Variants in SMARCA5 observed in about 807,000 individuals in gnomAD.
SMARCA5 encodes SWI/SNF-related matrix-associated actin-dependent regulator of chromatin subfamily A member 5.
SMARCA5 carries 18 observed loss-of-function variants against 140.4 expected under a neutral mutation model. That is an observed-to-expected ratio of 0.13 (90% CI 0.09 to 0.19). The LOEUF is 0.19. SMARCA5 is among the 10% of genes least tolerant of loss of function. The probability of loss-of-function intolerance (pLI) is 1.00; values close to 1 mark genes in which losing one functional copy is unlikely to be tolerated. For missense variants in SMARCA5, 606 were observed against 1,276.8 expected, an observed-to-expected ratio of 0.47 and a Z score of 8.01; for synonymous variants, 449 against 419.6, an observed-to-expected ratio of 1.07 and a Z score of -0.86.
In SMARCA5 at chr4:143,517,502, A is replaced by G. The variant is rs1428416396; in HGVS notation, c.252+73A>G. On this transcript the variant is annotated intron_variant, in intron 2 of 23. Coordinates refer to ENST00000283131, the MANE Select transcript of SMARCA5 (RefSeq NM_003601.4). ...AGGTGATTAAATGTACTAAACATCT[A>G]TCTTAGTCCATTTTGTGTTACAACA... is the stretch of plus-strand genomic sequence containing the variant. The G allele has an allele frequency of 9.6e-6, 8 of 836,176 alleles. No homozygotes were observed. The East Asian group carries it at 1.4e-4, about 15-fold the overall frequency. The allele number at this position is 836,176 out of a possible 1,614,324, so 51.8% of individuals were successfully genotyped here.
In SMARCA5 at chr4:143,513,758, TGGGCCCGGCTCAGGCCCGTCGCGG is replaced by T; in HGVS notation, c.-166_-143del. On this transcript the variant is annotated 5_prime_UTR_variant, in exon 1 of 24. Transcript: ENST00000283131. ...AGAACGTTTGGGAGTGTGCAGCTCC[TGGGCCCGGCTCAGGCCCGTCGCGG>T]AGGCGCGGCGCAGGGGAGCGCTCGG... 2 of 711,508 alleles carry T rather than the reference TGGGCCCGGCTCAGGCCCGTCGCGG, an allele frequency of 2.8e-6. No individual in the cohort carries two copies. The highest frequency in any genetic ancestry group is 4.5e-6 in the Non-Finnish European group (2 of 441,010). 44.1% of individuals were successfully genotyped at this position (711,508 alleles called of 1,614,324 possible).
chr4:143,514,904 C>T (rs1024734305), intron 1 of SMARCA5, among the ~76,000 whole-genome samples: 6 of 151,920 alleles, frequency 3.9e-5, no homozygotes, highest in Admixed American at 3.9e-4. Context: ...GCTGCCGAGA[C>T]TTATGGGTTT....
intron 6 of SMARCA5, among the ~76,000 whole-genome samples, chr4:143,527,169 A>T (rs1367107687): frequency 6.6e-6 from 1 of 152,188 alleles, no homozygotes; most frequent in Non-Finnish European, 1.5e-5. Context: ...TAAAATTTCG[A>T]TCAGTTGACA....
At chr4:143,550,507 CTG>C (rs1436096620) in intron 23 of SMARCA5, among the ~76,000 whole-genome samples, 1 of 151,932 alleles carries the variant, frequency 6.6e-6, no homozygotes, top group Non-Finnish European at 1.5e-5. Flanking sequence ...GCGGTAGTCA[CTG>C]TGTTGGGCTA....
At chr4:143,520,212 G>A (rs913166367) in intron 2 of SMARCA5, among the ~76,000 whole-genome samples, 2 of 152,106 alleles carry the variant, frequency 1.3e-5, no homozygotes, top group Non-Finnish European at 2.9e-5. Flanking sequence ...ACATCTTGTA[G>A]ATGCGTGCTC....
At chr4:143,543,750 CCTT>C in intron 15 of SMARCA5, 93 bp downstream of exon 15, 1 of 1,504,484 alleles carries the variant, frequency 6.6e-7, no homozygotes, top group South Asian at 1.2e-5. Flanking sequence ...AATTTTATTT[CCTT>C]AAAGAGAAGC....
chr4:143,546,839 C>T lies in SMARCA5; in HGVS notation c.2584C>T (p.Arg862Cys). The T allele has an allele frequency of 6.2e-7, 1 of 1,611,082 alleles. No individual in the cohort carries two copies. The highest frequency in any genetic ancestry group is 8.5e-7 in the Non-Finnish European group (1 of 1,177,856). Residue 862 changes from arginine to cysteine, a missense_variant, in exon 20 of 24, where the codon CGT (arginine) becomes TGT (cysteine). Transcript: ENST00000283131. ...TATCAAAGCTAATGAGAAGTGGGGT[C>T]GTGATGATATTGAAAATATAGCAAG... ...QFIKANEKWG[R>C]DDIENIAREV... is the part of the protein sequence containing the mutation.
chr4:143,536,243 G>GTATGAACATTATAATGC (rs1737300504), intron 10 of SMARCA5, among the ~76,000 whole-genome samples: 2 of 152,248 alleles, frequency 1.3e-5, no homozygotes, highest in South Asian at 4.1e-4. Context: ...CAAGGCGTAA[G>GTATGAACATTATAATGC]TATGAACATT....
intron 22 of SMARCA5, 158 bp downstream of exon 22, chr4:143,548,298 T>G (rs1737571223): frequency 7.9e-6 from 4 of 504,496 alleles, no homozygotes; most frequent in Admixed American, 6.6e-5. Context: ...CTTACAAGTT[T>G]ATTGGTCCTA....
At chr4:143,516,184 G>C (rs552887503) in intron 1 of SMARCA5, among the ~76,000 whole-genome samples, 40 of 148,036 alleles carry the variant, frequency 2.7e-4, no homozygotes, top group Non-Finnish European at 5.2e-4. Flanking sequence ...TTTCTAAACA[G>C]AGTAAACCCA....
Position 143,548,002 on chromosome 4 carries a change from A to G in SMARCA5, c.2847A>G (p.Glu949=), listed in dbSNP as rs1213174827. Residue 949 remains glutamate (E), a synonymous_variant, in exon 22 of 24, where the codon GAA becomes GAG. Transcript: ENST00000283131. ...YGTNKGKNYT[E]EEDRFLICML... The stretch of plus-strand genomic sequence containing the variant: ...CTAACAAAGGAAAAAACTATACTGA[A>G]GAAGAAGATCGTTTTCTGATTTGTA... 5.6e-6 allele frequency: 9 copies of G among 1,610,690 alleles called. No homozygotes were observed. The highest frequency in any genetic ancestry group is 6.8e-6 in the Non-Finnish European group (8 of 1,177,270).
chr4:143,552,819 T>A (rs1737670074), intron 23 of SMARCA5, among the ~76,000 whole-genome samples: 1 of 152,042 alleles, frequency 6.6e-6, no homozygotes, highest in Admixed American at 6.6e-5. Context: ...AAAACTCAAG[T>A]GTTTCTTACT....
At chr4:143,548,574 T>C (rs954156394) in intron 22 of SMARCA5, among the ~76,000 whole-genome samples, 1 of 152,086 alleles carries the variant, frequency 6.6e-6, no homozygotes, top group Non-Finnish European at 1.5e-5. Flanking sequence ...TTGCACTGAT[T>C]TAGTGCTAGG....
At chr4:143,515,974 T>G (rs1441527752) in intron 1 of SMARCA5, among the ~76,000 whole-genome samples, 1 of 152,078 alleles carries the variant, frequency 6.6e-6, no homozygotes, top group Non-Finnish European at 1.5e-5. Flanking sequence ...TTGGTTGACA[T>G]TATAGTGTGA....
In SMARCA5 at chr4:143,550,140, G is replaced by A; in HGVS notation, c.3093+36G>A. The stretch of plus-strand genomic sequence containing the variant: ...ATGAATATGTAAATATGTGGATTAT[G>A]TAAATTTCCCCTTTCTAAGTATTTA... On this transcript the variant is annotated intron_variant, in intron 23 of 23. Transcript: ENST00000283131. 3 of 1,202,816 alleles carry A rather than the reference G, an allele frequency of 2.5e-6. No individual in the cohort carries two copies. In the East Asian group the frequency reaches 7.8e-5, roughly 31 times the overall value. 74.5% of individuals were successfully genotyped at this position (1,202,816 alleles called of 1,614,324 possible).
At chr4:143,523,404 T>G (rs1737003823) in intron 3 of SMARCA5, among the ~76,000 whole-genome samples, 1 of 152,190 alleles carries the variant, frequency 6.6e-6, no homozygotes, top group African/African-American at 2.4e-5. Context: ...CTTTTAAGTT[T>G]TACAACTGTA....
rs188465754 is a variant in SMARCA5 at position 143,523,108 on chromosome 4, G to A, written c.420-1259G>A. Among the ~76,000 whole-genome samples the A allele has an allele frequency of 1.6e-4, 24 of 152,052 alleles. 1 individual carries two copies. The South Asian group carries it at 2.5e-3, about 16-fold the overall frequency. On this transcript the variant is annotated intron_variant, in intron 3 of 23. Coordinates refer to ENST00000283131, the MANE Select transcript of SMARCA5 (RefSeq NM_003601.4). ...GGAGTGCGTGCAGTGGTGTGATCTC[G>A]GTTCACTGCAAGTTGTGCCTCTGGG...
chr4:143,544,029 A>T, intron 16 of SMARCA5, 57 bp downstream of exon 16: 1 of 1,328,670 alleles, frequency 7.5e-7, no homozygotes, highest in Admixed American at 2.6e-5. Flanking sequence ...GAAACTTGGA[A>T]TTTTAAGTGT....
intron 17 of SMARCA5, 85 bp downstream of exon 17, chr4:143,544,932 T>G: frequency 1.5e-6 from 1 of 651,208 alleles, no homozygotes; most frequent in Non-Finnish European, 2.6e-6. Context: ...AGATTGATAA[T>G]TAGATTTTGT....
Sources: gnomAD v4.1 joint callset for allele counts (sites outside exome capture counted in the v4.1 genomes callset) on GRCh38, gnomAD v4.1.1 for gene constraint, MANE v1.5 for transcripts, NCBI Gene and HGNC (gene_info 2026-07-23, HGNC 2026-07-21) for gene names.